Variants in AMPH observed in about 807,000 individuals in gnomAD.
The protein encoded by AMPH is amphiphysin.
In AMPH, 49 loss-of-function variants were observed where a neutral mutation model predicts 99.1. The ratio of observed to expected loss-of-function variants is 0.49; its 90% CI spans 0.39 to 0.63. AMPH has a LOEUF of 0.63. AMPH is among the 20% of genes least tolerant of loss of function. AMPH has a pLI of 0.00. For missense variants in AMPH, 759 were observed against 863.4 expected, an observed-to-expected ratio of 0.88 and a Z score of 1.52; for synonymous variants, 314 against 317.3, an observed-to-expected ratio of 0.99 and a Z score of 0.11.
intron 1 of AMPH, among the ~76,000 whole-genome samples, chr7:38,557,160 TGAACAAAGGCGCGGGAATA>T (rs1791395823): frequency 6.6e-6 from 1 of 152,082 alleles, no homozygotes; most frequent in South Asian, 2.1e-4. Context: ...AAAGAGAAAC[TGAACAAAGGCGCGGGAATA>T]GCTATATCCA....
At chr7:38,584,428 A>T (rs567702741) in intron 1 of AMPH, among the ~76,000 whole-genome samples, 1 of 152,238 alleles carries the variant, frequency 6.6e-6, no homozygotes, top group Non-Finnish European at 1.5e-5. Context: ...CCTGAATATC[A>T]TTCAAGATGT....
chr7:38,491,400 T>C (rs1788714335), intron 4 of AMPH, among the ~76,000 whole-genome samples: 1 of 152,200 alleles, frequency 6.6e-6, no homozygotes. Context: ...TACTAAAGAA[T>C]GCAGAAACTT....
intron 1 of AMPH, among the ~76,000 whole-genome samples, chr7:38,542,292 T>C (rs949302435): frequency 1.3e-5 from 2 of 152,316 alleles, no homozygotes; most frequent in South Asian, 2.1e-4. Flanking sequence ...AGTCATCCCA[T>C]GAGACTCGGA....
intron 17 of AMPH, among the ~76,000 whole-genome samples, chr7:38,408,643 C>CA (rs1785124324): frequency 6.6e-6 from 1 of 150,540 alleles, no homozygotes; most frequent in South Asian, 2.1e-4. Context: ...CCCAGCTACT[C>CA]AGAGAGGCTG....
intron 2 of AMPH, among the ~76,000 whole-genome samples, chr7:38,520,808 A>G (rs919797805): frequency 2.6e-5 from 4 of 152,212 alleles, no homozygotes; most frequent in Non-Finnish European, 5.9e-5. Flanking sequence ...AGGGAAGTGG[A>G]AAAGAGTTTG....
chr7:38,569,651 G>A (rs908376899), intron 1 of AMPH, among the ~76,000 whole-genome samples: 1 of 152,008 alleles, frequency 6.6e-6, no homozygotes, highest in African/African-American at 2.4e-5. Flanking sequence ...AAATTTTCAA[G>A]GAAGTTAGAA....
chr7:38,569,831 A>G (rs1024698715), intron 1 of AMPH, among the ~76,000 whole-genome samples: 2 of 152,182 alleles, frequency 1.3e-5, no homozygotes, highest in African/African-American at 2.4e-5. Context: ...TTGAGATATT[A>G]TGTATATGTT....
At chr7:38,614,626 A>G (rs1793807678) in intron 1 of AMPH, among the ~76,000 whole-genome samples, 1 of 152,150 alleles carries the variant, frequency 6.6e-6, no homozygotes, top group Non-Finnish European at 1.5e-5. Context: ...TCTGGTGTTC[A>G]ACTTAAGATG....
chr7:38,427,398 GTGGGCC>G (rs1785819144), intron 14 of AMPH, among the ~76,000 whole-genome samples: 2 of 152,188 alleles, frequency 1.3e-5, no homozygotes, highest in Admixed American at 1.3e-4. Context: ...TACAGTTTCA[GTGGGCC>G]TGGGTTGAAA....
chr7:38,630,886 C>G (rs1794432134), intron 1 of AMPH, among the ~76,000 whole-genome samples: 1 of 151,504 alleles, frequency 6.6e-6, no homozygotes, highest in Non-Finnish European at 1.5e-5. Flanking sequence ...TGCGGGCGCG[C>G]TGGGAGCCGG....
At chr7:38,601,274 A>G (rs1793237752) in intron 1 of AMPH, among the ~76,000 whole-genome samples, 1 of 152,226 alleles carries the variant, frequency 6.6e-6, no homozygotes. Context: ...TCACTCTGAT[A>G]CTAATTGGAA....
chr7:38,400,715 T>C (rs1784817396), intron 17 of AMPH, among the ~76,000 whole-genome samples: 1 of 152,214 alleles, frequency 6.6e-6, no homozygotes, highest in African/African-American at 2.4e-5. Flanking sequence ...CATACATTCA[T>C]TCACTCATTT....
intron 11 of AMPH, among the ~76,000 whole-genome samples, chr7:38,451,151 C>T (rs1786999323): frequency 1.3e-5 from 2 of 151,586 alleles, no homozygotes; most frequent in Non-Finnish European, 2.9e-5. Context: ...CTTTGGCCTC[C>T]CAAAGTGTTG....
At chr7:38,494,069 G>A (rs549702636) in intron 4 of AMPH, among the ~76,000 whole-genome samples, 6 of 152,284 alleles carry the variant, frequency 3.9e-5, no homozygotes, top group African/African-American at 1.4e-4. Context: ...CAATTCTCCT[G>A]CCTCAGCTTC....
chr7:38,440,795 A>G (rs1374248964), intron 11 of AMPH, among the ~76,000 whole-genome samples: 3 of 152,130 alleles, frequency 2.0e-5, no homozygotes, highest in African/African-American at 7.2e-5. Context: ...ATAAGTAAAT[A>G]AAGAAAATTA....
At chr7:38,590,717 C>A (rs1269489308) in intron 1 of AMPH, among the ~76,000 whole-genome samples, 1 of 152,056 alleles carries the variant, frequency 6.6e-6, no homozygotes, top group African/African-American at 2.4e-5. Flanking sequence ...AAGGTGGGTG[C>A]GGTCACCTTC....
At chr7:38,575,769 C>T (rs1792216691) in intron 1 of AMPH, among the ~76,000 whole-genome samples, 1 of 152,186 alleles carries the variant, frequency 6.6e-6, no homozygotes, top group African/African-American at 2.4e-5. Context: ...TGGACTAATA[C>T]AGCCGTCTTG....
At chr7:38,594,725 T>C (rs562617064) in intron 1 of AMPH, among the ~76,000 whole-genome samples, 4 of 151,966 alleles carry the variant, frequency 2.6e-5, no homozygotes, top group Non-Finnish European at 5.9e-5. Context: ...TATTTACATG[T>C]ATAGTTTAAA....
At chr7:38,525,684 G>A (rs2129036674) in intron 2 of AMPH, among the ~76,000 whole-genome samples, 1 of 152,170 alleles carries the variant, frequency 6.6e-6, no homozygotes, top group East Asian at 1.9e-4. Flanking sequence ...AGTCACATAA[G>A]TGGAATCCCA....
Sources: allele counts gnomAD v4.1 joint callset (sites outside exome capture counted in the v4.1 genomes callset), GRCh38; gene constraint gnomAD v4.1.1; transcripts MANE v1.5; gene names NCBI Gene and HGNC (gene_info 2026-07-23, HGNC 2026-07-21).